Variants in TACC1 observed in about 807,000 individuals in gnomAD.
TACC1 encodes transforming acidic coiled-coil-containing protein 1.
TACC1 carries 48 observed loss-of-function variants against 84.4 expected under a neutral mutation model. That is an observed-to-expected ratio of 0.57 (90% CI 0.45 to 0.72). TACC1 has a LOEUF of 0.72. TACC1 is among the 30% of genes least tolerant of loss of function. The probability of loss-of-function intolerance (pLI) is 0.00; values close to 1 mark genes in which losing one functional copy is unlikely to be tolerated. For missense variants in TACC1, 920 were observed against 973.0 expected (o/e 0.95, Z 0.72); for synonymous variants, 372 against 376.3 (o/e 0.99, Z 0.13).
rs569197460 is a variant in TACC1, at chr8:38,755,212, G to A, written c.26+9719G>A. On this transcript the variant is annotated intron_variant, in intron 3 of 14. Transcript: ENST00000518415. ...TTGTCAATGTAAATCTCCATTATGC[G>A]TTTTCTGATTCTTTCTGGAACAACT... Among the ~76,000 whole-genome samples the A allele has an allele frequency of 8.0e-5, 12 of 149,894 alleles. No homozygotes were observed. In the East Asian group the frequency reaches 9.8e-4, roughly 12 times the overall value.
chr8:38,838,492 C>G lies in TACC1; in HGVS notation c.1862C>G (p.Ala621Gly), dbSNP rs1830640796. ...REEIITKEIE[A>G]NEWKKKYEET... is the part of the protein sequence containing the mutation. ...TAGATAATTACTAAAGAGATTGAAG[C>G]AAATGAATGGAAGAAGAAATACGAA... is the stretch of plus-strand genomic sequence containing the variant. The change falls in exon 8 of 13, where the codon GCA becomes GGA. Residue 621 changes from alanine (A) to glycine (G), a missense_variant. Ala to Gly is a moderately conservative substitution (Grantham distance 60). This residue lies in a region of TACC1 where 158 missense variants were observed against 225.6 expected (regional missense o/e 0.70). Transcript: ENST00000317827. 1 of 1,613,502 alleles carries G rather than the reference C, an allele frequency of 6.2e-7. No homozygotes were observed. Among genetic ancestry groups the G allele is most frequent in the African/African-American group, 1.3e-5 (1 of 74,900 alleles).
At chr8:38,821,869 C>G (rs1415953403) in intron 3 of TACC1, among the ~76,000 whole-genome samples, 1 of 152,144 alleles carries the variant, frequency 6.6e-6, no homozygotes, top group Non-Finnish European at 1.5e-5. Context: ...TACTACACAC[C>G]TAGGCTATAT....
intron 2 of TACC1, chr8:38,805,433 C>T (rs751146233): frequency 6.6e-6 from 1 of 152,250 alleles, no homozygotes; most frequent in Non-Finnish European, 1.5e-5. Flanking sequence ...AGCAGAAGTC[C>T]AGCTGCAGGG....
At position 38,772,662 on chromosome 8, in the gene TACC1, C is replaced by T. The variant is rs947587087; in HGVS notation, c.27-16042C>T. ...AGCAGCACCTTATGAAGAAAACAAG[C>T]GGCATAATGAATAAATACTCACCTC... On this transcript the variant is annotated intron_variant, in intron 3 of 14. Transcript: ENST00000518415. Among the ~76,000 whole-genome samples the T allele has an allele frequency of 4.1e-4, 62 of 151,910 alleles. 2 individuals carry two copies. Among genetic ancestry groups the T allele is most frequent in the East Asian group, 1.9e-4 (1 of 5,188 alleles).
intron 2 of TACC1, among the ~76,000 whole-genome samples, chr8:38,809,032 A>T (rs1433763515): frequency 6.6e-6 from 1 of 152,010 alleles, no homozygotes; most frequent in Non-Finnish European, 1.5e-5. Flanking sequence ...GCTGGCCAAG[A>T]AATGACTGGG....
In TACC1 at chr8:38,838,465, T is replaced by C. The variant is rs776926908; in HGVS notation, c.1840-5T>C. The stretch of plus-strand genomic sequence containing the variant: ...TGGGTAAAACTAAGCTTTATTGTAC[T>C]CTAGATAATTACTAAAGAGATTGAA... On this transcript the variant is annotated splice_polypyrimidine_tract_variant and splice_region_variant and intron_variant, in intron 7 of 12. Coordinates refer to ENST00000317827, the MANE Select transcript of TACC1 (RefSeq NM_006283.3). 3.1e-6 allele frequency: 5 copies of C among 1,608,542 alleles called. No homozygotes were observed. The South Asian group carries it at 5.5e-5, about 18-fold the overall frequency.
intron 7 of TACC1, 69 bp from the exon 8 acceptor site, chr8:38,838,401 T>A: frequency 9.3e-7 from 1 of 1,075,084 alleles, no homozygotes; most frequent in Non-Finnish European, 1.4e-6. Context: ...GGTTGTGTGC[T>A]ATTTCAGTTC....
intron 3 of TACC1, among the ~76,000 whole-genome samples, chr8:38,760,287 C>G (rs1485732967): frequency 6.6e-6 from 1 of 152,164 alleles, no homozygotes. Context: ...TAGCTGCTAA[C>G]CTTCTCCAAA....
intron 3 of TACC1, among the ~76,000 whole-genome samples, chr8:38,770,427 C>T (rs117000897): frequency 6.6e-6 from 1 of 152,254 alleles, no homozygotes. Context: ...GCGCTCTCCC[C>T]CTTCGCACAT....
intron 3 of TACC1, among the ~76,000 whole-genome samples, chr8:38,768,620 C>T (rs1052164109): frequency 6.6e-6 from 1 of 152,076 alleles, no homozygotes; most frequent in Non-Finnish European, 1.5e-5. Flanking sequence ...GGTCCAGGGG[C>T]TGAGCAAGAA....
chr8:38,814,337 C>T (rs1465209129), intron 2 of TACC1, among the ~76,000 whole-genome samples: 1 of 152,178 alleles, frequency 6.6e-6, no homozygotes, highest in Admixed American at 6.5e-5. Context: ...AAAATACAGT[C>T]ATTCACCATA....
intron 5 of TACC1, among the ~76,000 whole-genome samples, chr8:38,829,375 C>A (rs1042522862): frequency 6.6e-6 from 1 of 152,160 alleles, no homozygotes; most frequent in Admixed American, 6.5e-5. Flanking sequence ...TGACATCTTT[C>A]CCAAAGATAT....
intron 5 of TACC1, 84 bp downstream of exon 5, chr8:38,827,459 A>C (rs1421345318): frequency 2.1e-6 from 3 of 1,405,368 alleles, no homozygotes; most frequent in Non-Finnish European, 3.0e-6. Context: ...AGCCTTACAG[A>C]GATTAAAGAA....
chr8:38,851,931 G>C lies in TACC1; in HGVS notation c.*3908G>C. 1 of 449,764 alleles carries C rather than the reference G, an allele frequency of 2.2e-6. No homozygotes were observed. The highest frequency in any genetic ancestry group is 4.5e-6 in the Non-Finnish European group (1 of 222,808). 27.9% of individuals were successfully genotyped at this position (449,764 alleles called of 1,614,324 possible). ...TTCGAGGAGATATCTGTCCAAAAAGGTTTGACTGGCCTCCAGATTCCAGTT... is the reference window on the plus strand; with the variant it reads ...TTCGAGGAGATATCTGTCCAAAAAGCTTTGACTGGCCTCCAGATTCCAGTT... On this transcript the variant is annotated 3_prime_UTR_variant, in exon 13 of 13. Transcript: ENST00000317827.
intron 6 of TACC1, among the ~76,000 whole-genome samples, chr8:38,832,137 C>G (rs2152284127): frequency 6.6e-6 from 1 of 152,338 alleles, no homozygotes; most frequent in African/African-American, 2.4e-5. Flanking sequence ...TTTAAACTTC[C>G]TAATTCCCAA....
At chr8:38,787,074 G>T, upstream of TACC1, 4 of 954,446 alleles carry the variant, frequency 4.2e-6, no homozygotes, top group Non-Finnish European at 5.0e-6. Flanking sequence ...CGCGACCAGC[G>T]TGACGCCGCG....
chr8:38,752,902 C>T (rs559674160), intron 3 of TACC1, among the ~76,000 whole-genome samples: 8 of 152,216 alleles, frequency 5.3e-5, no homozygotes, highest in Middle Eastern at 3.4e-3. Flanking sequence ...ATTGGCATTA[C>T]GAAATTTCTC....
At chr8:38,756,105 C>T (rs533793451) in intron 3 of TACC1, among the ~76,000 whole-genome samples, 3 of 151,976 alleles carry the variant, frequency 2.0e-5, no homozygotes, top group South Asian at 2.1e-4. Context: ...TGAGCCACCG[C>T]GCCCGGCCGG....
chr8:38,743,292 T>TTGAATGAATGAA (rs3076913), intron 2 of TACC1, among the ~76,000 whole-genome samples: 171 of 151,042 alleles, frequency 1.1e-3, no homozygotes, highest in Non-Finnish European at 1.8e-3. Flanking sequence ...TATATATTTG[T>TTGAATGAATGAA]TGAATGAATG....
Sources: allele counts gnomAD v4.1 joint callset (sites outside exome capture counted in the v4.1 genomes callset), GRCh38; gene constraint gnomAD v4.1.1; regional missense constraint gnomAD v4.1.1; transcripts MANE v1.5; gene names NCBI Gene and HGNC (gene_info 2026-07-23, HGNC 2026-07-21).